SLC8A3: variants seen among roughly 807,000 people sequenced by gnomAD.
SLC8A3 encodes solute carrier family 8 member A3.
In SLC8A3, 37 loss-of-function variants were observed where a neutral mutation model predicts 65.4. The observed-to-expected ratio is 0.57, with a 90% CI of 0.44 to 0.74. The LOEUF (loss-of-function observed/expected upper bound fraction) is 0.74, where lower values mean the gene tolerates loss of function less well. Ranked by LOEUF, SLC8A3 falls within the 30% of genes least tolerant of loss-of-function variation. The pLI is 0.00. For synonymous variants in SLC8A3, 461 were observed against 444.5 expected (o/e 1.04, Z -0.47); for missense variants, 1,112 against 1,172.1 (o/e 0.95, Z 0.75).
intron 2 of SLC8A3, among the ~76,000 whole-genome samples, chr14:70,161,288 CAAAAAAAAA>C (rs5809474): frequency 3.6e-4 from 12 of 33,294 alleles, no homozygotes; most frequent in South Asian, 2.4e-3. Context: ...GACTCCATCT[CAAAAAAAAA>C]AAAAAAAAAA....
At chr14:70,095,960 C>T (rs1181780328) in intron 2 of SLC8A3, among the ~76,000 whole-genome samples, 4 of 152,082 alleles carry the variant, frequency 2.6e-5, no homozygotes, top group African/African-American at 9.7e-5. Flanking sequence ...CTGCTCACTG[C>T]AACCTCCACC....
chr14:70,070,306 A>G (rs1237418810), intron 2 of SLC8A3, among the ~76,000 whole-genome samples: 1 of 152,216 alleles, frequency 6.6e-6, no homozygotes, highest in African/African-American at 2.4e-5. Context: ...TAGAGGCCAG[A>G]CCAGGTGCTA....
intron 2 of SLC8A3, among the ~76,000 whole-genome samples, chr14:70,084,802 G>T (rs1296391636): frequency 6.6e-6 from 1 of 152,204 alleles, no homozygotes; most frequent in Non-Finnish European, 1.5e-5. Context: ...AGGGTCTGAA[G>T]AGCTCTAGGT....
intron 2 of SLC8A3, among the ~76,000 whole-genome samples, chr14:70,133,937 C>T (rs182159291): frequency 3.3e-5 from 5 of 152,278 alleles, no homozygotes; most frequent in African/African-American, 9.6e-5. Context: ...CACCCTATTC[C>T]CCATCCCCAG....
At chr14:70,090,362 GCGCATGT>G (rs1566772525) in intron 2 of SLC8A3, among the ~76,000 whole-genome samples, 2 of 152,132 alleles carry the variant, frequency 1.3e-5, no homozygotes, top group Admixed American at 6.5e-5. Context: ...CACGTCATAT[GCGCATGT>G]CCTCCTGCCT....
intron 1 of SLC8A3, among the ~76,000 whole-genome samples, chr14:70,180,023 G>A (rs1213418144): frequency 6.6e-6 from 1 of 152,170 alleles, no homozygotes; most frequent in African/African-American, 2.4e-5. Flanking sequence ...AAGGAAGTCA[G>A]GGCTGGAGTC....
At chr14:70,133,183 G>C (rs1594732819) in intron 2 of SLC8A3, among the ~76,000 whole-genome samples, 2 of 152,044 alleles carry the variant, frequency 1.3e-5, no homozygotes, top group East Asian at 3.9e-4. Context: ...TAATAAAATG[G>C]CCTTTACCAT....
At chr14:70,123,874 A>G (rs1894255750) in intron 2 of SLC8A3, among the ~76,000 whole-genome samples, 1 of 152,228 alleles carries the variant, frequency 6.6e-6, no homozygotes, top group Non-Finnish European at 1.5e-5. Context: ...CCATCCTCAA[A>G]TGTTAATTAT....
intron 4 of SLC8A3, 118 bp downstream of exon 4, chr14:70,051,872 G>T: frequency 1.2e-6 from 1 of 802,120 alleles, no homozygotes; most frequent in Non-Finnish European, 2.0e-6. Flanking sequence ...GTGGGTAAGT[G>T]ATTTGTTCAG....
intron 2 of SLC8A3, among the ~76,000 whole-genome samples, chr14:70,091,278 C>A (rs1037300210): frequency 1.3e-5 from 2 of 152,144 alleles, no homozygotes; most frequent in Non-Finnish European, 2.9e-5. Flanking sequence ...GAAACCAACA[C>A]AAAATAGCTC....
At chr14:70,149,594 G>A (rs758273318) in intron 2 of SLC8A3, among the ~76,000 whole-genome samples, 1 of 152,124 alleles carries the variant, frequency 6.6e-6, no homozygotes, top group Non-Finnish European at 1.5e-5. Flanking sequence ...AGTGAGAGAG[G>A]CCTCAGTACT....
chr14:70,083,064 A>G (rs750515076), intron 2 of SLC8A3, among the ~76,000 whole-genome samples: 6 of 152,158 alleles, frequency 3.9e-5, no homozygotes, highest in Non-Finnish European at 8.8e-5. Context: ...AAGGTGGCCA[A>G]TTCTGATTTT....
At chr14:70,072,916 G>T (rs1890142475) in intron 2 of SLC8A3, among the ~76,000 whole-genome samples, 1 of 152,178 alleles carries the variant, frequency 6.6e-6, no homozygotes, top group South Asian at 2.1e-4. Flanking sequence ...CCAAAGTGCT[G>T]GGATTACAGG....
At chr14:70,147,243 A>C (rs943605768) in intron 2 of SLC8A3, among the ~76,000 whole-genome samples, 1 of 152,234 alleles carries the variant, frequency 6.6e-6, no homozygotes. Flanking sequence ...TGCTATCTGC[A>C]AGACTTTTCC....
intron 2 of SLC8A3, among the ~76,000 whole-genome samples, chr14:70,127,867 T>G (rs903378021): frequency 6.6e-6 from 1 of 152,158 alleles, no homozygotes; most frequent in Non-Finnish European, 1.5e-5. Context: ...AACTCTCCCC[T>G]TTGGTAAGCT....
chr14:70,112,934 G>A (rs1277210997), intron 2 of SLC8A3, among the ~76,000 whole-genome samples: 1 of 133,298 alleles, frequency 7.5e-6, no homozygotes, highest in South Asian at 2.4e-4. Context: ...TTGGATTTAG[G>A]GCCCACTTTA....
At chr14:70,154,555 G>A (rs1175103245) in intron 2 of SLC8A3, among the ~76,000 whole-genome samples, 1 of 152,134 alleles carries the variant, frequency 6.6e-6, no homozygotes, top group Admixed American at 6.6e-5. Flanking sequence ...TTGCCATGCT[G>A]GGTGCAAAAT....
At chr14:70,096,392 C>T (rs1272677457) in intron 2 of SLC8A3, among the ~76,000 whole-genome samples, 2 of 152,168 alleles carry the variant, frequency 1.3e-5, no homozygotes, top group Non-Finnish European at 2.9e-5. Context: ...GAACACAAAT[C>T]GTTGACAATG....
chr14:70,146,039 G>A (rs1436227841), intron 2 of SLC8A3, among the ~76,000 whole-genome samples: 1 of 152,118 alleles, frequency 6.6e-6, no homozygotes, highest in Non-Finnish European at 1.5e-5. Flanking sequence ...TGTAGAAGAT[G>A]TCCCCAGGAG....
Sources: allele counts gnomAD v4.1 joint callset (sites outside exome capture counted in the v4.1 genomes callset), GRCh38; gene constraint gnomAD v4.1.1; transcripts MANE v1.5; gene names NCBI Gene and HGNC (gene_info 2026-07-23, HGNC 2026-07-21).